The following SNORC variants were observed in gnomAD, a reference collection of about 807,000 sequenced individuals.
The protein encoded by SNORC is secondary ossification center associated regulator of chondrocyte maturation.
Under a neutral mutation model 9.7 loss-of-function variants are expected in SNORC, and 11 were observed. The ratio of observed to expected loss-of-function variants is 1.14; its 90% CI spans 0.72 to 1.88. The LOEUF (loss-of-function observed/expected upper bound fraction) is 1.88, where lower values mean the gene tolerates loss of function less well. Among genes scored for constraint, SNORC ranks in the 40% most tolerant of loss-of-function variants. The probability of loss-of-function intolerance (pLI) is 0.00; values close to 1 mark genes in which losing one functional copy is unlikely to be tolerated. For synonymous variants in SNORC, 108 were observed against 88.7 expected, an observed-to-expected ratio of 1.22 and a Z score of -1.22; for missense variants, 197 against 173.1, an observed-to-expected ratio of 1.14 and a Z score of -0.77.
At chr2:232,875,793 T>C in intron 1 of SNORC, 147 bp from the exon 2 acceptor site, 1 of 883,456 alleles carries the variant, frequency 1.1e-6, no homozygotes, top group South Asian at 1.8e-5. Context: ...TTCAGCTTCT[T>C]AGCCTGGGAA....
chr2:232,872,722 C>G (rs940122592), intron 1 of SNORC, among the ~76,000 whole-genome samples: 6 of 152,210 alleles, frequency 3.9e-5, no homozygotes, highest in African/African-American at 9.7e-5. Context: ...CCATCTCCCC[C>G]CTCCCCAGAC....
At chr2:232,876,698 T>G, downstream of SNORC, 1 of 991,560 alleles carries the variant, frequency 1.0e-6, no homozygotes, top group Non-Finnish European at 1.2e-6. The surrounding 1 kb of genome is among the most constrained non-coding windows in gnomAD (Gnocchi z 6.8). Flanking sequence ...GCGCCGCATG[T>G]GCGTGCCCGG....
intron 1 of SNORC, among the ~76,000 whole-genome samples, chr2:232,873,135 A>G (rs1347530450): frequency 2.6e-5 from 4 of 152,226 alleles, no homozygotes; most frequent in Non-Finnish European, 4.4e-5. Flanking sequence ...GCAGCTGAAG[A>G]TGCTGGTGTT....
chr2:232,875,542 G>C (rs1426244854), intron 1 of SNORC: 4 of 402,686 alleles, frequency 9.9e-6, no homozygotes, highest in Non-Finnish European at 1.5e-5. Flanking sequence ...AGGACAACTG[G>C]GGTGGGCTGG....
chr2:232,868,311 G>A (rs557754546), upstream of SNORC, among the ~76,000 whole-genome samples: 1 of 152,202 alleles, frequency 6.6e-6, no homozygotes, highest in Admixed American at 6.5e-5. Flanking sequence ...TGGTCAGGCT[G>A]GTCTTGAACT....
At chr2:232,870,245 C>G, upstream of SNORC, 1 of 1,168,770 alleles carries the variant, frequency 8.6e-7, no homozygotes, top group Non-Finnish European at 1.2e-6. Context: ...GATGAAAACC[C>G]TTCCCAGCCC....
At chr2:232,873,970 T>G (rs1691123178) in intron 1 of SNORC, among the ~76,000 whole-genome samples, 1 of 152,156 alleles carries the variant, frequency 6.6e-6, no homozygotes, top group Non-Finnish European at 1.5e-5. Context: ...CTGCCAGAGG[T>G]CTTTTCTGGA....
chr2:232,873,627 T>C (rs578150638), intron 1 of SNORC, among the ~76,000 whole-genome samples: 8 of 152,236 alleles, frequency 5.3e-5, no homozygotes, highest in Admixed American at 2.0e-4. Context: ...CATTTGTCCA[T>C]TTCTTTGGAC....
downstream of SNORC, chr2:232,877,192 C>G: frequency 2.0e-6 from 2 of 985,584 alleles, no homozygotes; most frequent in Non-Finnish European, 2.4e-6. Flanking sequence ...ACTCTCACCC[C>G]CAGGCCTGGC....
At chr2:232,871,475 G>C (rs1426777785) in intron 1 of SNORC, among the ~76,000 whole-genome samples, 1 of 152,192 alleles carries the variant, frequency 6.6e-6, no homozygotes, top group Non-Finnish European at 1.5e-5. Flanking sequence ...GCAGGGGTCT[G>C]TGAGGCCTCG....
chr2:232,870,263 C>T, upstream of SNORC: 1 of 1,327,544 alleles, frequency 7.5e-7, no homozygotes, highest in Non-Finnish European at 1.1e-6. Flanking sequence ...CCCTTTGATG[C>T]CTCTTTCTCA....
In SNORC at chr2:232,876,050, G is replaced by T. The variant is rs1269543576; in HGVS notation, c.184G>T (p.Gly62Cys). The change falls in exon 2 of 3, where the codon GGT (glycine) becomes TGT (cysteine). Residue 62 changes from glycine (G) to cysteine (C), a missense_variant. By Grantham distance (159) the Gly-to-Cys change is radical. Coordinates refer to ENST00000331342, the Ensembl canonical transcript of SNORC. This position sits in a 1 kb window ranked among gnomAD's most constrained non-coding sequence, Gnocchi z 6.8. ...CCCCGGCCGGGAGCCCGTGGACACC[G>T]GTCCCCCAGCCCCCACCGTCGCGCC... The T allele has an allele frequency of 6.5e-7, 1 of 1,540,540 alleles. No individual in the cohort carries two copies. Among genetic ancestry groups the T allele is most frequent in the South Asian group, 1.2e-5 (1 of 84,046 alleles).
chr2:232,869,919 C>G (rs997813496), upstream of SNORC: 3 of 301,258 alleles, frequency 1.0e-5, no homozygotes, highest in African/African-American at 6.7e-5. Flanking sequence ...CCTGGGCTAC[C>G]CAAGCCCCAC....
chr2:232,866,676 C>T (rs1408628406), upstream of SNORC, among the ~76,000 whole-genome samples: 11 of 152,126 alleles, frequency 7.2e-5, no homozygotes, highest in East Asian at 2.1e-3. Flanking sequence ...TTGGGACACA[C>T]ATGCACAAAG....
intron 1 of SNORC, 21 bp from the exon 2 acceptor site, chr2:232,875,919 C>T (rs1285198982): frequency 6.5e-7 from 1 of 1,537,632 alleles, no homozygotes; most frequent in Admixed American, 2.0e-5. Flanking sequence ...GGGGCCCCAG[C>T]ACCTCTCCTT....
In SNORC at chr2:232,876,336, AGAAAG is replaced by A. The variant is rs1691241160; in HGVS notation, c.347_351del (p.Arg116IlefsTer?). The A allele has an allele frequency of 6.5e-7, 1 of 1,544,924 alleles. No individual in the cohort carries two copies. Among genetic ancestry groups the A allele is most frequent in the African/African-American group, 1.4e-5 (1 of 70,900 alleles). ...GCTGGCGCTCGTGGTCGTCGCGCTG[AGAAAG>A]TTTTCTGCCTCCTGAAGCGAATAAA... is the stretch of plus-strand genomic sequence containing the variant. On this transcript the variant is annotated frameshift_variant, in exon 3 of 3. Transcript: ENST00000331342. LOFTEE classifies it high-confidence loss of function. This position sits in a 1 kb window ranked among gnomAD's most constrained non-coding sequence, Gnocchi z 6.8.
intron 1 of SNORC, among the ~76,000 whole-genome samples, chr2:232,874,981 A>G (rs111320688): frequency 2.6e-5 from 4 of 152,338 alleles, no homozygotes; most frequent in African/African-American, 9.6e-5. Flanking sequence ...GACATCCCCA[A>G]GCTCATCCAG....
chr2:232,868,770 CAG>C (rs1473961782), upstream of SNORC, among the ~76,000 whole-genome samples: 1 of 152,182 alleles, frequency 6.6e-6, no homozygotes, highest in Non-Finnish European at 1.5e-5. Context: ...GCCAGCCAAA[CAG>C]AGCTGCTCCT....
At position 232,876,083 on chromosome 2, in the gene SNORC, G is replaced by A; in HGVS notation, c.217G>A (p.Glu73Lys). ...AGCCCCCACCGTCGCGCCAGGACCC[G>A]AGGACAGCACCGCGCAGGAGCGGCT... The change falls in exon 2 of 3, where the codon GAG (glutamate) becomes AAG (lysine). Residue 73 changes from glutamate (E) to lysine (K), a missense_variant. Physicochemically the swap from Glu to Lys is moderately conservative, Grantham distance 56. Transcript: ENST00000331342. This position sits in a 1 kb window ranked among gnomAD's most constrained non-coding sequence, Gnocchi z 6.8. The A allele has an allele frequency of 6.5e-7, 1 of 1,530,920 alleles. No individual in the cohort carries two copies. The highest frequency in any genetic ancestry group is 8.7e-7 in the Non-Finnish European group (1 of 1,144,418). 94.8% of individuals were successfully genotyped at this position (1,530,920 alleles called of 1,614,324 possible). A position where few individuals can be genotyped will look rare whatever the true frequency, so the allele number is the denominator to read the frequency against.
Sources: gnomAD v4.1 joint callset for allele counts (sites outside exome capture counted in the v4.1 genomes callset) on GRCh38, gnomAD v4.1.1 for gene constraint, Gnocchi (gnomAD v3.1) non-coding constraint, MANE v1.5 for transcripts, NCBI Gene and HGNC (gene_info 2026-07-23, HGNC 2026-07-21) for gene names.